Variants in SEC62 observed in about 807,000 individuals in gnomAD.
SEC62 encodes the protein translocation protein SEC62.
SEC62 carries 10 observed loss-of-function variants against 47.5 expected under a neutral mutation model. The ratio of observed to expected loss-of-function variants is 0.21; its 90% CI spans 0.13 to 0.36. SEC62 has a LOEUF of 0.36. Among genes scored for constraint, SEC62 ranks in the 10% least tolerant of loss-of-function variants. The probability of loss-of-function intolerance (pLI) is 1.00; values close to 1 mark genes in which losing one functional copy is unlikely to be tolerated. For missense variants in SEC62, 327 were observed against 464.1 expected (o/e 0.70, Z 2.71); for synonymous variants, 136 against 150.5 (o/e 0.90, Z 0.71).
chr3:169,975,557 A>T (rs1424372777), intron 1 of SEC62, 51 bp from the exon 2 acceptor site: 8 of 1,140,290 alleles, frequency 7.0e-6, no homozygotes, highest in Non-Finnish European at 1.1e-5. Context: ...TATTCAGCGC[A>T]TGAATTTCTC....
chr3:169,993,133 T>C lies in SEC62; in HGVS notation c.*70T>C. The C allele has an allele frequency of 1.8e-6, 2 of 1,088,020 alleles. No homozygotes were observed. The highest frequency in any genetic ancestry group is 2.6e-6 in the Non-Finnish European group (2 of 763,940). The allele number at this position is 1,088,020 out of a possible 1,614,324, so 67.4% of individuals were successfully genotyped here. On this transcript the variant is annotated 3_prime_UTR_variant, in exon 8 of 8. Transcript: ENST00000337002. ...TTTTCTATGTTGGCTGATTACCATA[T>C]TGAACACATGGCATTTGTAGCATTC...
chr3:169,973,909 G>C (rs1559964187), intron 1 of SEC62, among the ~76,000 whole-genome samples: 1 of 152,168 alleles, frequency 6.6e-6, no homozygotes, highest in Non-Finnish European at 1.5e-5. Context: ...GAAGAAATGA[G>C]AGATGTACCT....
intron 1 of SEC62, among the ~76,000 whole-genome samples, chr3:169,971,062 A>G (rs1714687003): frequency 6.7e-6 from 1 of 148,850 alleles, no homozygotes; most frequent in African/African-American, 2.5e-5. Flanking sequence ...TCATGTTCTC[A>G]TGGTACTTTT....
chr3:169,989,544 G>C (rs1006268465), intron 7 of SEC62, among the ~76,000 whole-genome samples: 1 of 151,746 alleles, frequency 6.6e-6, no homozygotes, highest in Admixed American at 6.6e-5. Flanking sequence ...ACTTTGATCT[G>C]ACATTAGACA....
chr3:169,979,474 A>C (rs186289752), intron 3 of SEC62, among the ~76,000 whole-genome samples: 155 of 152,318 alleles, frequency 1.0e-3, no homozygotes, highest in Non-Finnish European at 1.9e-3. Context: ...GAATGAACTC[A>C]TACATACTAG....
chr3:169,993,130 A>T lies in SEC62; in HGVS notation c.*67A>T. 1 of 1,112,832 alleles carries T rather than the reference A, an allele frequency of 9.0e-7. No individual in the cohort carries two copies. Among genetic ancestry groups the T allele is most frequent in the Non-Finnish European group, 1.3e-6 (1 of 786,664 alleles). 68.9% of individuals were successfully genotyped at this position (1,112,832 alleles called of 1,614,324 possible). On this transcript the variant is annotated 3_prime_UTR_variant, in exon 8 of 8. Transcript: ENST00000337002. ...GGATTTTCTATGTTGGCTGATTACC[A>T]TATTGAACACATGGCATTTGTAGCA...
At chr3:169,979,991 G>A (rs1377599946) in intron 3 of SEC62, among the ~76,000 whole-genome samples, 1 of 151,940 alleles carries the variant, frequency 6.6e-6, no homozygotes, top group Non-Finnish European at 1.5e-5. Context: ...AAAAAAAAAT[G>A]GAAGTGAAGG....
At chr3:169,975,330 A>C (rs983786970) in intron 1 of SEC62, 2 of 268,156 alleles carry the variant, frequency 7.5e-6, no homozygotes, top group Admixed American at 4.7e-5. Context: ...AACTGGTACA[A>C]AGTAGTTACC....
At chr3:169,968,773 G>C (rs1291952815) in intron 1 of SEC62, among the ~76,000 whole-genome samples, 1 of 152,130 alleles carries the variant, frequency 6.6e-6, no homozygotes, top group South Asian at 2.1e-4. Flanking sequence ...ATTAGGTTGG[G>C]AGTTATGTAG....
intron 1 of SEC62, among the ~76,000 whole-genome samples, chr3:169,969,718 T>C (rs1258703692): frequency 2.0e-5 from 3 of 152,210 alleles, no homozygotes; most frequent in Non-Finnish European, 2.9e-5. Context: ...TGTCTCACAA[T>C]AGATAAAAAA....
chr3:169,969,649 T>C (rs1714645845), intron 1 of SEC62, among the ~76,000 whole-genome samples: 1 of 152,166 alleles, frequency 6.6e-6, no homozygotes, highest in African/African-American at 2.4e-5. Context: ...GGATCGTCAA[T>C]CAAGATAGTA....
At chr3:169,975,868 G>A in intron 2 of SEC62, 152 bp downstream of exon 2, 1 of 487,056 alleles carries the variant, frequency 2.1e-6, no homozygotes, top group Middle Eastern at 5.0e-4. Context: ...TTTCTTTTAT[G>A]ATTGAAAATG....
chr3:169,988,979 A>T (rs545870387), intron 7 of SEC62, among the ~76,000 whole-genome samples: 8 of 152,126 alleles, frequency 5.3e-5, no homozygotes, highest in Non-Finnish European at 7.4e-5. Flanking sequence ...GGAAAAATCA[A>T]TAATTTTCAC....
At position 169,992,686 on chromosome 3, in the gene SEC62, A is replaced by T; in HGVS notation, c.823A>T (p.Ile275Phe). The change falls in exon 8 of 8, where the codon ATT becomes TTT. Residue 275 changes from isoleucine to phenylalanine, a missense_variant. Physicochemically the swap from Ile to Phe is conservative, Grantham distance 21 (BLOSUM62 0). This residue lies in a region of SEC62 where 99 missense variants were observed against 194.0 expected (regional missense o/e 0.51). Transcript: ENST00000337002. This position sits in a 1 kb window ranked among gnomAD's most constrained non-coding sequence, Gnocchi z 4.0. ...LPNLTADVGF[I>F]DSFRPLYTHE... Reference sequence around the variant, plus strand: ...AAATCTGACTGCTGATGTGGGCTTCATTGACTCCTTCAGGCCTCTGTACAC... The same window carrying T: ...AAATCTGACTGCTGATGTGGGCTTCTTTGACTCCTTCAGGCCTCTGTACAC... The T allele has an allele frequency of 1.2e-6, 2 of 1,614,172 alleles. No homozygotes were observed. The highest frequency in any genetic ancestry group is 1.7e-6 in the Non-Finnish European group (2 of 1,180,032).
chr3:169,971,929 A>AT (rs764606180), intron 1 of SEC62, among the ~76,000 whole-genome samples: 5 of 152,216 alleles, frequency 3.3e-5, no homozygotes, highest in Non-Finnish European at 5.9e-5. Flanking sequence ...CTGTTGATAA[A>AT]GTTGGAAATC....
chr3:169,987,022 G>A (rs1715125497), intron 6 of SEC62, among the ~76,000 whole-genome samples: 1 of 151,346 alleles, frequency 6.6e-6, no homozygotes, highest in Admixed American at 6.6e-5. Flanking sequence ...TTTAACGTGT[G>A]TATTCCAGGA....
At chr3:169,984,462 A>G (rs1715051130) in intron 5 of SEC62, among the ~76,000 whole-genome samples, 2 of 152,204 alleles carry the variant, frequency 1.3e-5, no homozygotes, top group Non-Finnish European at 2.9e-5. Flanking sequence ...GGTCTAAAGG[A>G]CATTTGAGCT....
intron 6 of SEC62, among the ~76,000 whole-genome samples, chr3:169,987,275 C>T (rs886180932): frequency 3.3e-5 from 5 of 151,942 alleles, no homozygotes; most frequent in African/African-American, 7.3e-5. Flanking sequence ...AAAAATTAGC[C>T]GGGTGTGGTG....
chr3:169,975,444 C>T, intron 1 of SEC62, 164 bp from the exon 2 acceptor site: 3 of 495,614 alleles, frequency 6.1e-6, no homozygotes, highest in Non-Finnish European at 1.1e-5. Context: ...TTTAAATCTC[C>T]ATTTTTGTCT....
Sources: gnomAD v4.1 joint callset for allele counts (sites outside exome capture counted in the v4.1 genomes callset) on GRCh38, gnomAD v4.1.1 for gene constraint, gnomAD v4.1.1 regional missense constraint, Gnocchi (gnomAD v3.1) non-coding constraint, MANE v1.5 for transcripts, NCBI Gene and HGNC (gene_info 2026-07-23, HGNC 2026-07-21) for gene names.